Variants in NKAIN3 observed in about 807,000 individuals in gnomAD.
The protein encoded by NKAIN3 is sodium/potassium transporting ATPase interacting 3.
NKAIN3 carries 25 observed loss-of-function variants against 30.2 expected under a neutral mutation model. The ratio of observed to expected loss-of-function variants is 0.83; its 90% CI spans 0.60 to 1.16. The LOEUF (loss-of-function observed/expected upper bound fraction) is 1.16, where lower values mean the gene tolerates loss of function less well. Ranked by LOEUF, NKAIN3 falls within the 50% of genes most tolerant of loss-of-function variation. The pLI is 0.00. For missense variants in NKAIN3, 225 were observed against 254.1 expected (o/e 0.89, Z 0.78); for synonymous variants, 91 against 89.6 (o/e 1.02, Z -0.09).
At chr8:62,487,664 C>G (rs1191657330) in intron 1 of NKAIN3, among the ~76,000 whole-genome samples, 3 of 151,938 alleles carry the variant, frequency 2.0e-5, no homozygotes, top group Non-Finnish European at 2.9e-5. Flanking sequence ...AATATAATCA[C>G]AAAATTGTTG....
chr8:62,343,229 C>T (rs7843588), intron 1 of NKAIN3, among the ~76,000 whole-genome samples: 5,953 of 151,962 alleles, frequency 0.039, 425 homozygotes, highest in African/African-American at 0.14. Flanking sequence ...ACTGGCTTTG[C>T]CCTACCTGTT....
chr8:62,710,484 T>A (rs1814679280), intron 3 of NKAIN3, among the ~76,000 whole-genome samples: 1 of 152,182 alleles, frequency 6.6e-6, no homozygotes, highest in Non-Finnish European at 1.5e-5. Flanking sequence ...TCCCTCTTTT[T>A]CTCTCTTAAC....
chr8:62,969,347 G>T lies in NKAIN3; in HGVS notation c.*3940G>T, dbSNP rs190199030. Reference sequence around the variant, plus strand: ...ATTAAAACTAGCTAAAATGTACATTGCAAATCTGAAGAAAACAATCATGAC... The same window carrying T: ...ATTAAAACTAGCTAAAATGTACATTTCAAATCTGAAGAAAACAATCATGAC... On this transcript the variant is annotated 3_prime_UTR_variant, in exon 7 of 7. Transcript: ENST00000623646. Among the ~76,000 whole-genome samples the T allele has an allele frequency of 1.1e-4, 17 of 152,304 alleles. No homozygotes were observed. In the East Asian group the frequency reaches 3.3e-3, roughly 29 times the overall value.
chr8:62,911,837 G>A (rs185700011), intron 4 of NKAIN3, among the ~76,000 whole-genome samples: 8 of 152,234 alleles, frequency 5.3e-5, no homozygotes, highest in South Asian at 4.1e-4. Flanking sequence ...AGGATAATCC[G>A]TGGAAGCATG....
chr8:62,904,962 C>T (rs1013134604), intron 4 of NKAIN3, among the ~76,000 whole-genome samples: 4 of 152,012 alleles, frequency 2.6e-5, no homozygotes, highest in African/African-American at 7.2e-5. Context: ...TCAGAGGACA[C>T]GATCTTTGCA....
intron 3 of NKAIN3, among the ~76,000 whole-genome samples, chr8:62,632,747 C>T (rs1012083761): frequency 6.5e-5 from 9 of 138,158 alleles, no homozygotes; most frequent in African/African-American, 1.7e-4. Flanking sequence ...AGGTGATCCA[C>T]CCCCCTCGGC....
At chr8:62,851,517 A>G (rs909817187) in intron 4 of NKAIN3, among the ~76,000 whole-genome samples, 8 of 152,178 alleles carry the variant, frequency 5.3e-5, no homozygotes, top group African/African-American at 1.9e-4. Flanking sequence ...GTGAGAGAGG[A>G]CATCCCCGTC....
chr8:62,579,539 G>A lies in NKAIN3; in HGVS notation c.55G>A (p.Val19Ile). The A allele has an allele frequency of 4.4e-6, 7 of 1,598,054 alleles. No individual in the cohort carries two copies. The change falls in exon 2 of 7, where the codon GTC (valine) becomes ATC (isoleucine). Residue 19 changes from valine to isoleucine, a missense_variant and splice_region_variant. Coordinates refer to ENST00000623646, the MANE Select transcript of NKAIN3 (RefSeq NM_001304533.3). ...AATGAACTTTCTTTTTTTGTTGTAG[G>A]TCTCAGCATTAGAGAGGCAGATCTT... ...SLICLCALQL[V>I]SALERQIFDF... is the part of the protein sequence containing the mutation.
At chr8:62,847,952 T>A (rs1819742432) in intron 4 of NKAIN3, among the ~76,000 whole-genome samples, 1 of 152,206 alleles carries the variant, frequency 6.6e-6, no homozygotes, top group South Asian at 2.1e-4. Context: ...TCCCCATTGC[T>A]TGTTTTTGTC....
At chr8:62,798,195 GT>G (rs1445373771) in intron 4 of NKAIN3, among the ~76,000 whole-genome samples, 1 of 152,130 alleles carries the variant, frequency 6.6e-6, no homozygotes, top group Non-Finnish European at 1.5e-5. Flanking sequence ...ACCTTGCAGA[GT>G]TTGGGGGTAA....
intron 1 of NKAIN3, among the ~76,000 whole-genome samples, chr8:62,510,193 A>T (rs1807776255): frequency 6.6e-6 from 1 of 152,156 alleles, no homozygotes; most frequent in Non-Finnish European, 1.5e-5. Flanking sequence ...TGTATAAAGA[A>T]CAGTGAATAG....
chr8:62,286,668 TTAAA>T (rs1409166674), intron 1 of NKAIN3, among the ~76,000 whole-genome samples: 1 of 152,140 alleles, frequency 6.6e-6, no homozygotes, highest in African/African-American at 2.4e-5. Context: ...CTGCTACTGA[TTAAA>T]TAAAGAATCT....
At position 62,970,978 on chromosome 8, in the gene NKAIN3, C is replaced by T. The variant is rs768671993; in HGVS notation, c.*5571C>T. 6.6e-6 allele frequency among the ~76,000 whole-genome samples: 1 copy of T among 152,180 alleles called. No individual in the cohort carries two copies. Among genetic ancestry groups the T allele is most frequent in the Non-Finnish European group, 1.5e-5 (1 of 68,022 alleles). On this transcript the variant is annotated 3_prime_UTR_variant, in exon 7 of 7. Coordinates refer to ENST00000623646, the MANE Select transcript of NKAIN3 (RefSeq NM_001304533.3). ...AGAAAAATGACAATGGATTAAATAA[C>T]ATAGAGGTCTATTTCTCTTTTTATT... is the stretch of plus-strand genomic sequence containing the variant.
chr8:62,828,466 A>G (rs905139589), intron 4 of NKAIN3, among the ~76,000 whole-genome samples: 6 of 152,202 alleles, frequency 3.9e-5, no homozygotes, highest in Admixed American at 2.6e-4. Context: ...TCTCTTTACA[A>G]TCACATGGTT....
chr8:62,671,698 G>A (rs1408943030), intron 3 of NKAIN3, among the ~76,000 whole-genome samples: 1 of 152,068 alleles, frequency 6.6e-6, no homozygotes, highest in East Asian at 1.9e-4. Flanking sequence ...TCAGGCTTCA[G>A]GCATAGTTTG....
At chr8:62,403,439 A>C (rs1803954542) in intron 1 of NKAIN3, among the ~76,000 whole-genome samples, 1 of 152,204 alleles carries the variant, frequency 6.6e-6, no homozygotes, top group Non-Finnish European at 1.5e-5. Context: ...CCAGAGGCTT[A>C]AAAGGAAAAA....
intron 1 of NKAIN3, among the ~76,000 whole-genome samples, chr8:62,528,317 A>ATATTATATAATATATAT (rs1808375666): frequency 1.1e-5 from 1 of 89,724 alleles, no homozygotes; most frequent in East Asian, 2.5e-4. Context: ...ATATATATAT[A>ATATTATATAATATATAT]TTATATAATA....
intron 1 of NKAIN3, among the ~76,000 whole-genome samples, chr8:62,350,950 A>G (rs565373058): frequency 5.3e-4 from 80 of 152,092 alleles, no homozygotes; most frequent in African/African-American, 1.7e-3. Flanking sequence ...TCGGCCTCCC[A>G]AAGTGCTGGG....
At chr8:62,599,676 T>C (rs1393171935) in intron 3 of NKAIN3, among the ~76,000 whole-genome samples, 1 of 152,092 alleles carries the variant, frequency 6.6e-6, no homozygotes, top group Non-Finnish European at 1.5e-5. Flanking sequence ...TTTAAAAATA[T>C]GAAAGAGTCC....
Sources: allele counts gnomAD v4.1 joint callset (sites outside exome capture counted in the v4.1 genomes callset), GRCh38; gene constraint gnomAD v4.1.1; transcripts MANE v1.5; gene names NCBI Gene and HGNC (gene_info 2026-07-23, HGNC 2026-07-21).